Variants in ADGRL3 observed in about 807,000 individuals in gnomAD.
The protein encoded by ADGRL3 is calcium-independent alpha-latrotoxin receptor 3.
A neutral mutation model predicts 153.5 loss-of-function variants in ADGRL3; 62 were observed. That is an observed-to-expected ratio of 0.40 (90% confidence interval 0.33 to 0.50). ADGRL3 has a LOEUF of 0.50. ADGRL3 is among the 20% of genes least tolerant of loss of function. The pLI, the probability that ADGRL3 is intolerant of heterozygous loss-of-function variation, is 0.47. For missense variants in ADGRL3, 1,641 were observed against 1,859.4 expected, an observed-to-expected ratio of 0.88 and a Z score of 2.16; for synonymous variants, 710 against 672.5, an observed-to-expected ratio of 1.06 and a Z score of -0.86.
At chr4:61,955,691 C>T (rs190347222) in intron 17 of ADGRL3, among the ~76,000 whole-genome samples, 198 of 152,260 alleles carry the variant, frequency 1.3e-3, no homozygotes, top group African/African-American at 4.6e-3. Flanking sequence ...CCCTCACCCC[C>T]CAATCCCACA....
At chr4:61,743,053 G>C (rs1202363502) in intron 8 of ADGRL3, among the ~76,000 whole-genome samples, 2 of 151,496 alleles carry the variant, frequency 1.3e-5, no homozygotes, top group Non-Finnish European at 2.9e-5. Flanking sequence ...GGGCTCGGTG[G>C]CTCATGCCTG....
At chr4:61,250,998 A>G (rs571909554) in intron 1 of ADGRL3, among the ~76,000 whole-genome samples, 59 of 152,344 alleles carry the variant, frequency 3.9e-4, no homozygotes, top group Admixed American at 1.6e-3. Context: ...TTAGAAAACT[A>G]GATAATTTAA....
At chr4:61,802,073 A>G (rs1455168600) in intron 8 of ADGRL3, among the ~76,000 whole-genome samples, 1 of 152,154 alleles carries the variant, frequency 6.6e-6, no homozygotes, top group African/African-American at 2.4e-5. Flanking sequence ...AGCCCTCTGA[A>G]TATTCTCATT....
At chr4:61,312,614 T>C (rs1481670752) in intron 1 of ADGRL3, among the ~76,000 whole-genome samples, 1 of 152,072 alleles carries the variant, frequency 6.6e-6, no homozygotes, top group Admixed American at 6.5e-5. Flanking sequence ...ACAGAAGATA[T>C]ACAGATAAAA....
intron 8 of ADGRL3, among the ~76,000 whole-genome samples, chr4:61,738,727 G>C (rs2096548262): frequency 6.6e-6 from 1 of 152,138 alleles, no homozygotes. Context: ...CTACCCAATT[G>C]TATGACATGT....
intron 8 of ADGRL3, among the ~76,000 whole-genome samples, chr4:61,807,468 T>C (rs1580924170): frequency 6.6e-6 from 1 of 152,134 alleles, no homozygotes; most frequent in East Asian, 1.9e-4. Flanking sequence ...TTCACGGTTA[T>C]GAAAGAAAGA....
chr4:61,366,070 T>C (rs1265385119), intron 1 of ADGRL3, among the ~76,000 whole-genome samples: 2 of 152,202 alleles, frequency 1.3e-5, no homozygotes, highest in African/African-American at 4.8e-5. Context: ...TTCTGTGATA[T>C]GCTAGATCCT....
At chr4:61,529,397 T>C (rs551201987) in intron 4 of ADGRL3, among the ~76,000 whole-genome samples, 2 of 152,292 alleles carry the variant, frequency 1.3e-5, no homozygotes, top group South Asian at 2.1e-4. Flanking sequence ...AGGCTAACCA[T>C]ATGTTCTAGT....
At chr4:61,364,151 G>C (rs1309503074) in intron 1 of ADGRL3, among the ~76,000 whole-genome samples, 1 of 151,500 alleles carries the variant, frequency 6.6e-6, no homozygotes, top group Non-Finnish European at 1.5e-5. Context: ...CCAACATGTT[G>C]AAACCCCGTC....
In ADGRL3 at chr4:61,758,293, CATT is replaced by C. The variant is rs201306744; in HGVS notation, c.1399+24746_1399+24748del. The stretch of plus-strand genomic sequence containing the variant: ...TGACAGTGGGGTGTTAAAAGTCTGC[CATT>C]ATTATTGCCTGGGAGTCTACGTCTC... On this transcript the variant is annotated intron_variant, in intron 8 of 26. Coordinates refer to ENST00000683033, the MANE Select transcript of ADGRL3 (RefSeq NM_001387552.1). Among the ~76,000 whole-genome samples the C allele has an allele frequency of 1.7e-4, 26 of 152,194 alleles. 2 individuals are homozygous for C. In the East Asian group the frequency reaches 5.0e-3, roughly 29 times the overall value.
intron 2 of ADGRL3, among the ~76,000 whole-genome samples, chr4:61,482,148 G>T (rs1400576110): frequency 6.6e-6 from 1 of 152,102 alleles, no homozygotes; most frequent in Non-Finnish European, 1.5e-5. Context: ...ACAGATAAAA[G>T]AAACATTTCT....
intron 5 of ADGRL3, among the ~76,000 whole-genome samples, chr4:61,609,279 A>T (rs1316577239): frequency 6.6e-6 from 1 of 152,134 alleles, no homozygotes; most frequent in Non-Finnish European, 1.5e-5. Context: ...CTCATGTGTT[A>T]TTCCTCACCT....
chr4:61,937,817 A>G (rs2098845581), intron 15 of ADGRL3, among the ~76,000 whole-genome samples: 1 of 152,186 alleles, frequency 6.6e-6, no homozygotes, highest in Admixed American at 6.6e-5. Context: ...GTGAACCTTC[A>G]GACGAAAAGC....
intron 9 of ADGRL3, among the ~76,000 whole-genome samples, chr4:61,863,562 C>CCA: frequency 6.6e-6 from 1 of 152,144 alleles, no homozygotes; most frequent in Non-Finnish European, 1.5e-5. Flanking sequence ...CTCACTCATT[C>CCA]CATTCCACCT....
intron 17 of ADGRL3, among the ~76,000 whole-genome samples, chr4:61,966,798 C>T (rs1261227826): frequency 1.3e-5 from 2 of 152,094 alleles, no homozygotes; most frequent in Admixed American, 6.6e-5. Context: ...TACAGATGCT[C>T]CTCAGTCTAT....
At chr4:61,661,621 AGT>A (rs1313104099) in intron 5 of ADGRL3, among the ~76,000 whole-genome samples, 3 of 152,154 alleles carry the variant, frequency 2.0e-5, no homozygotes, top group Admixed American at 6.5e-5. Context: ...AGGAAAGAAC[AGT>A]GTTATGACAA....
intron 19 of ADGRL3, among the ~76,000 whole-genome samples, chr4:61,988,009 G>A (rs77940071): frequency 0.012 from 1,763 of 151,932 alleles, 35 homozygotes; most frequent in African/African-American, 0.04. Context: ...AAATTGTTTC[G>A]TAGGTTAAAT....
intron 8 of ADGRL3, among the ~76,000 whole-genome samples, chr4:61,782,594 G>A (rs775904840): frequency 2.0e-5 from 3 of 151,970 alleles, no homozygotes; most frequent in Non-Finnish European, 2.9e-5. Flanking sequence ...AGAATAGTAC[G>A]GATAAATACA....
chr4:61,694,186 T>A lies in ADGRL3; in HGVS notation c.583+17251T>A, dbSNP rs1226607964. 3.4e-3 allele frequency among the ~76,000 whole-genome samples: 29 copies of A among 8,524 alleles called. 1 individual carries two copies. Among genetic ancestry groups the A allele is most frequent in the African/African-American group, 0.015 (29 of 1,974 alleles). The allele number at this position is 8,524 out of a possible 152,430, so 5.6% of individuals were successfully genotyped here. On this transcript the variant is annotated intron_variant, in intron 6 of 26. Transcript: ENST00000683033. ...TTTTAAAATTTTGTCATTATTTTTTTTTTTTTTTTTTTTTTTTTTTTTTTT... is the reference window on the plus strand; with the variant it reads ...TTTTAAAATTTTGTCATTATTTTTTATTTTTTTTTTTTTTTTTTTTTTTTT...
Sources: gnomAD v4.1 joint callset for allele counts (sites outside exome capture counted in the v4.1 genomes callset) on GRCh38, gnomAD v4.1.1 for gene constraint, MANE v1.5 for transcripts, NCBI Gene and HGNC (gene_info 2026-07-23, HGNC 2026-07-21) for gene names.